CNTN5: variants seen among roughly 807,000 people sequenced by gnomAD.
The protein encoded by CNTN5 is contactin 5.
Under a neutral mutation model 129.1 loss-of-function variants are expected in CNTN5, and 77 were observed. The ratio of observed to expected loss-of-function variants is 0.60; its 90% CI spans 0.50 to 0.72. The LOEUF is 0.72. Ranked by LOEUF, CNTN5 falls within the 30% of genes least tolerant of loss-of-function variation. The pLI is 0.00. For missense variants in CNTN5, 1,478 were observed against 1,328.8 expected (o/e 1.11, Z -1.75); for synonymous variants, 509 against 465.6 (o/e 1.09, Z -1.20).
At chr11:100,000,430 G>C (rs1198260861) in intron 8 of CNTN5, among the ~76,000 whole-genome samples, 1 of 152,180 alleles carries the variant, frequency 6.6e-6, no homozygotes, top group East Asian at 1.9e-4. Context: ...CTCACATGTA[G>C]GGCATGATGA....
intron 9 of CNTN5, among the ~76,000 whole-genome samples, chr11:100,021,859 G>A (rs1285641218): frequency 6.6e-6 from 1 of 152,214 alleles, no homozygotes; most frequent in Non-Finnish European, 1.5e-5. Context: ...AACCACTCGT[G>A]TAGGAACAAG....
chr11:99,239,745 G>C (rs965482625), intron 1 of CNTN5, among the ~76,000 whole-genome samples: 3 of 152,092 alleles, frequency 2.0e-5, no homozygotes, highest in South Asian at 2.1e-4. Flanking sequence ...ACCATCCTGG[G>C]TAACACGGTG....
At chr11:99,785,572 G>A (rs1457701904) in intron 3 of CNTN5, among the ~76,000 whole-genome samples, 1 of 152,088 alleles carries the variant, frequency 6.6e-6, no homozygotes, top group African/African-American at 2.4e-5. Flanking sequence ...TATTCCTGAT[G>A]AACATCGACG....
chr11:99,137,646 T>C (rs1406562857), intron 1 of CNTN5, among the ~76,000 whole-genome samples: 1 of 152,138 alleles, frequency 6.6e-6, no homozygotes, highest in East Asian at 1.9e-4. Flanking sequence ...TACATTGTAT[T>C]ACTCCTTAGC....
At chr11:99,882,211 T>G (rs1419917150) in intron 6 of CNTN5, among the ~76,000 whole-genome samples, 1 of 152,334 alleles carries the variant, frequency 6.6e-6, no homozygotes, top group East Asian at 1.9e-4. Flanking sequence ...GTTTATATTT[T>G]ATATATGAGT....
At chr11:99,216,423 C>T (rs2050607893) in intron 1 of CNTN5, among the ~76,000 whole-genome samples, 1 of 152,012 alleles carries the variant, frequency 6.6e-6, no homozygotes, top group African/African-American at 2.4e-5. Context: ...AGGTTGATTC[C>T]ATATCTTGAC....
chr11:99,104,616 GTA>G (rs34078461), intron 1 of CNTN5, among the ~76,000 whole-genome samples: 8 of 142,766 alleles, frequency 5.6e-5, no homozygotes, highest in East Asian at 2.0e-4. Context: ...CAATGTGTGT[GTA>G]TATATATATA....
intron 17 of CNTN5, among the ~76,000 whole-genome samples, chr11:100,258,582 T>C (rs542249484): frequency 2.3e-4 from 35 of 152,104 alleles, no homozygotes; most frequent in Non-Finnish European, 4.6e-4. Context: ...AGACTAACAG[T>C]GGATCTCTCA....
At chr11:99,574,730 G>A (rs951578666) in intron 3 of CNTN5, among the ~76,000 whole-genome samples, 1 of 151,766 alleles carries the variant, frequency 6.6e-6, no homozygotes, top group Non-Finnish European at 1.5e-5. Context: ...GTCTGTTTAT[G>A]TTCTTTGCCC....
chr11:99,282,874 C>T (rs1007053169), intron 1 of CNTN5, among the ~76,000 whole-genome samples: 2 of 152,072 alleles, frequency 1.3e-5, no homozygotes, highest in East Asian at 3.9e-4. Context: ...TATCAGGGGC[C>T]TTTCCCCAAT....
At chr11:100,266,017 A>G (rs1243818416) in intron 17 of CNTN5, among the ~76,000 whole-genome samples, 1 of 152,104 alleles carries the variant, frequency 6.6e-6, no homozygotes, top group African/African-American at 2.4e-5. Flanking sequence ...CTATCAGTGG[A>G]TATGTCTTCT....
chr11:99,792,567 G>GTC (rs1565538271), intron 3 of CNTN5, among the ~76,000 whole-genome samples: 35 of 129,960 alleles, frequency 2.7e-4, no homozygotes, highest in South Asian at 5.6e-4. Context: ...GTGTGTGTGT[G>GTC]TGTGTGTGTC....
At chr11:99,145,549 T>C (rs1365052520) in intron 1 of CNTN5, among the ~76,000 whole-genome samples, 1 of 152,192 alleles carries the variant, frequency 6.6e-6, no homozygotes. Flanking sequence ...TAAGATTAAA[T>C]GTCAATATCC....
At chr11:99,202,048 T>C (rs1355112071) in intron 1 of CNTN5, among the ~76,000 whole-genome samples, 1 of 152,230 alleles carries the variant, frequency 6.6e-6, no homozygotes, top group East Asian at 1.9e-4. Context: ...GAAATCAGTT[T>C]CATATTGCAT....
rs773220373 is a variant in CNTN5 at position 100,074,248 on chromosome 11, A to G, written c.1534A>G (p.Thr512Ala). ...ECKPQGSPKP[T>A]ISWKKGDRAV... ...CAAACCCCAAGGCTCTCCAAAACCA[A>G]CCATCTCTTGGAAGAAAGGAGACAG... Residue 512 changes from threonine (T) to alanine (A), a missense_variant, in exon 13 of 25, where the codon ACC (threonine) becomes GCC (alanine). Thr to Ala is a moderately conservative substitution (Grantham distance 58, BLOSUM62 0). Transcript: ENST00000524871. 1.2e-6 allele frequency: 2 copies of G among 1,610,654 alleles called. No individual in the cohort carries two copies. Among genetic ancestry groups the G allele is most frequent in the East Asian group, 2.2e-5 (1 of 44,698 alleles).
intron 2 of CNTN5, among the ~76,000 whole-genome samples, chr11:99,472,038 T>C (rs1945197522): frequency 6.6e-6 from 1 of 152,130 alleles, no homozygotes; most frequent in African/African-American, 2.4e-5. Flanking sequence ...TAGTAGTATA[T>C]AGGTAAGGAA....
At position 99,523,597 on chromosome 11, in the gene CNTN5, G is replaced by GATAGAATAGA. The variant is rs541032430; in HGVS notation, c.-70-32501_-70-32492dup. ...AGAGGGAGACCCCATCTCAAAGAAA[G>GATAGAATAGA]ATAGAATAGAATAGAATAGAATAGA... On this transcript the variant is annotated intron_variant, in intron 2 of 24. Transcript: ENST00000524871. 7.8e-4 allele frequency among the ~76,000 whole-genome samples: 99 copies of GATAGAATAGA among 127,476 alleles called. 1 individual carries two copies. The highest frequency in any genetic ancestry group is 2.3e-3 in the East Asian group (10 of 4,272). The allele number at this position is 127,476 out of a possible 152,430, so 83.6% of individuals were successfully genotyped here. A position where few individuals can be genotyped will look rare whatever the true frequency, so the allele number is the denominator to read the frequency against.
chr11:99,473,573 A>G (rs1409872561), intron 2 of CNTN5, among the ~76,000 whole-genome samples: 1 of 151,792 alleles, frequency 6.6e-6, no homozygotes, highest in Non-Finnish European at 1.5e-5. Context: ...TCCTGCGAAC[A>G]CTTACAAGAT....
At chr11:99,549,646 T>G (rs1018578328) in intron 2 of CNTN5, among the ~76,000 whole-genome samples, 1 of 152,248 alleles carries the variant, frequency 6.6e-6, no homozygotes, top group African/African-American at 2.4e-5. Context: ...TTAGTCATGA[T>G]ATCCAGTTCC....
Sources: allele counts gnomAD v4.1 joint callset (sites outside exome capture counted in the v4.1 genomes callset), GRCh38; gene constraint gnomAD v4.1.1; transcripts MANE v1.5; gene names NCBI Gene and HGNC (gene_info 2026-07-23, HGNC 2026-07-21).